The following APBB2 variants were observed in gnomAD, a reference collection of about 807,000 sequenced individuals.
The protein encoded by APBB2 is amyloid beta precursor protein binding family B member 2.
Under a neutral mutation model 82.5 loss-of-function variants are expected in APBB2, and 38 were observed. The ratio of observed to expected loss-of-function variants is 0.46; its 90% CI spans 0.36 to 0.60. The LOEUF is 0.60. Among genes scored for constraint, APBB2 ranks in the 20% least tolerant of loss-of-function variants. The pLI is 0.00. For missense variants in APBB2, 772 were observed against 972.3 expected, an observed-to-expected ratio of 0.79 and a Z score of 2.74; for synonymous variants, 341 against 368.2, an observed-to-expected ratio of 0.93 and a Z score of 0.85.
chr4:41,146,110 G>A (rs938835795), intron 1 of APBB2, among the ~76,000 whole-genome samples: 3 of 152,124 alleles, frequency 2.0e-5, no homozygotes, highest in African/African-American at 4.8e-5. Flanking sequence ...CAGATAACTT[G>A]AGGCCAGGAG....
chr4:41,183,553 A>G (rs1010943782), intron 1 of APBB2, among the ~76,000 whole-genome samples: 4 of 152,172 alleles, frequency 2.6e-5, no homozygotes, highest in Non-Finnish European at 5.9e-5. Context: ...AGACACATAC[A>G]TAGGGAGAAC....
intron 1 of APBB2, among the ~76,000 whole-genome samples, chr4:41,211,657 AT>A (rs2154083039): frequency 6.6e-6 from 1 of 151,532 alleles, no homozygotes; most frequent in Non-Finnish European, 1.5e-5. Context: ...TAATTTTTGT[AT>A]TTTTTTAGAG....
intron 5 of APBB2, among the ~76,000 whole-genome samples, chr4:41,027,403 A>G (rs1033760594): frequency 5.5e-5 from 7 of 128,050 alleles, no homozygotes; most frequent in African/African-American, 1.2e-4. Context: ...ATATATATAT[A>G]TAACATTTTC....
In APBB2 at chr4:41,202,260, T is replaced by C. The variant is rs114997630; in HGVS notation, c.-417+12145A>G. Among the ~76,000 whole-genome samples, 261 of 152,340 alleles carry C rather than the reference T, an allele frequency of 1.7e-3. 1 individual carries two copies. Among genetic ancestry groups the C allele is most frequent in the African/African-American group, 5.9e-3 (247 of 41,584 alleles). On this transcript the variant is annotated intron_variant, in intron 1 of 17. Coordinates refer to ENST00000508593, the MANE Select transcript of APBB2 (RefSeq NM_004307.2). ...CAACCTCTGGCAACTGCCATTCTAC[T>C]GTCTGTCTCTAAATTTACTGTAGGC...
chr4:41,031,525 G>GT (rs1474938457), intron 5 of APBB2, among the ~76,000 whole-genome samples: 4 of 151,484 alleles, frequency 2.6e-5, no homozygotes, highest in Non-Finnish European at 5.9e-5. Context: ...AACTGTTCCA[G>GT]TATCTCTTAC....
At chr4:41,119,520 A>AT (rs1394873996) in intron 2 of APBB2, among the ~76,000 whole-genome samples, 3 of 135,434 alleles carry the variant, frequency 2.2e-5, no homozygotes, top group East Asian at 2.1e-4. Flanking sequence ...AGGAAGTTCC[A>AT]TTAAAAAAAA....
At chr4:41,064,195 G>A (rs989773510) in intron 4 of APBB2, among the ~76,000 whole-genome samples, 4 of 151,196 alleles carry the variant, frequency 2.6e-5, no homozygotes, top group Non-Finnish European at 5.9e-5. Context: ...AGCCAGGATG[G>A]TCTCCATCTC....
intron 1 of APBB2, chr4:41,207,757 A>G (rs1011766417): frequency 6.6e-6 from 1 of 152,148 alleles, no homozygotes; most frequent in African/African-American, 2.4e-5. Flanking sequence ...CAAACTCCAC[A>G]TGTTGGCCTG....
intron 6 of APBB2, among the ~76,000 whole-genome samples, chr4:41,009,911 A>G (rs1807840952): frequency 6.6e-6 from 1 of 152,230 alleles, no homozygotes; most frequent in Non-Finnish European, 1.5e-5. Context: ...ACAATGTTTA[A>G]TTTAGACTGA....
chr4:40,865,178 C>T (rs1334694988), intron 12 of APBB2, among the ~76,000 whole-genome samples: 1 of 152,050 alleles, frequency 6.6e-6, no homozygotes, highest in African/African-American at 2.4e-5. Flanking sequence ...TTAAAATGTT[C>T]AACCATCTCC....
At chr4:41,171,413 CA>C (rs36104073) in intron 1 of APBB2, among the ~76,000 whole-genome samples, 30,129 of 145,910 alleles carry the variant, frequency 0.21, 3,036 homozygotes, top group Middle Eastern at 0.26. Flanking sequence ...ACAATAATAG[CA>C]AAAAAAAAAA....
chr4:40,930,891 G>A (rs1392917560), intron 10 of APBB2, among the ~76,000 whole-genome samples: 2 of 152,106 alleles, frequency 1.3e-5, no homozygotes, highest in Non-Finnish European at 1.5e-5. Context: ...GGGACTACAG[G>A]CGCCCACCAC....
At chr4:41,010,460 G>A (rs573993556) in intron 6 of APBB2, among the ~76,000 whole-genome samples, 2 of 152,258 alleles carry the variant, frequency 1.3e-5, no homozygotes, top group African/African-American at 2.4e-5. Context: ...AGCAAGTAAT[G>A]TCAGGACACT....
chr4:40,905,370 C>T (rs773943373), intron 10 of APBB2, among the ~76,000 whole-genome samples: 2 of 152,222 alleles, frequency 1.3e-5, no homozygotes, highest in Non-Finnish European at 2.9e-5. Context: ...TTATTTGACA[C>T]AAGGAAGGAG....
At chr4:40,824,074 C>T (rs1376236537) in intron 15 of APBB2, among the ~76,000 whole-genome samples, 1 of 152,152 alleles carries the variant, frequency 6.6e-6, no homozygotes, top group Admixed American at 6.6e-5. Flanking sequence ...CTTGCTTGAA[C>T]CCAGGAGGCG....
intron 3 of APBB2, among the ~76,000 whole-genome samples, chr4:41,079,134 T>C (rs1736652218): frequency 6.6e-6 from 1 of 152,182 alleles, no homozygotes; most frequent in Non-Finnish European, 1.5e-5. Context: ...GCACGAACAC[T>C]AATGTCCAGT....
At chr4:41,090,029 T>TA (rs1480001461) in intron 3 of APBB2, among the ~76,000 whole-genome samples, 18 of 152,040 alleles carry the variant, frequency 1.2e-4, no homozygotes, top group Admixed American at 1.1e-3. Context: ...ACTTATTAAG[T>TA]AAAAAAACCC....
chr4:41,130,473 C>T (rs1490458856), intron 2 of APBB2, among the ~76,000 whole-genome samples: 1 of 152,138 alleles, frequency 6.6e-6, no homozygotes, highest in Non-Finnish European at 1.5e-5. Context: ...ACACTCTATT[C>T]TCAACAGAGG....
chr4:40,848,633 T>C (rs570463722), intron 12 of APBB2, among the ~76,000 whole-genome samples: 54 of 152,286 alleles, frequency 3.5e-4, no homozygotes, highest in African/African-American at 1.3e-3. Flanking sequence ...GTGTTTGGTT[T>C]AAATTACCTT....
Sources: gnomAD v4.1 joint callset for allele counts (sites outside exome capture counted in the v4.1 genomes callset) on GRCh38, gnomAD v4.1.1 for gene constraint, MANE v1.5 for transcripts, NCBI Gene and HGNC (gene_info 2026-07-23, HGNC 2026-07-21) for gene names.